The following ERCC6 variants were observed in gnomAD, a reference collection of about 807,000 sequenced individuals.
ERCC6 encodes ERCC excision repair 6, chromatin remodeling factor, also known as DNA excision repair protein ERCC-6.
ERCC6 carries 116 observed loss-of-function variants against 158.7 expected under a neutral mutation model. The ratio of observed to expected loss-of-function variants is 0.73; its 90% confidence interval spans 0.63 to 0.85. The LOEUF (loss-of-function observed/expected upper bound fraction) is 0.85, where lower values mean the gene tolerates loss of function less well. Among genes scored for constraint, ERCC6 ranks in the 40% least tolerant of loss-of-function variants. ERCC6 has a pLI of 0.00. For missense variants in ERCC6, 1,698 were observed against 1,799.4 expected, an observed-to-expected ratio of 0.94 and a Z score of 1.02; for synonymous variants, 678 against 659.3, an observed-to-expected ratio of 1.03 and a Z score of -0.43.
intron 1 of ERCC6, among the ~76,000 whole-genome samples, chr10:49,534,148 A>AC (rs1350706801): frequency 4.3e-4 from 63 of 147,672 alleles, no homozygotes; most frequent in Admixed American, 1.4e-3. Context: ...AAAAAAAAAA[A>AC]AAAAAACAAA....
rs1311435056 is a variant in ERCC6, at chr10:49,538,993, G to C, written c.-46C>G. 6.5e-6 allele frequency: 1 copy of C among 152,706 alleles called. No homozygotes were observed. Among genetic ancestry groups the C allele is most frequent in the Admixed American group, 6.5e-5 (1 of 15,298 alleles). The allele number at this position is 152,706 out of a possible 1,614,324, so 9.5% of individuals were successfully genotyped here. On this transcript the variant is annotated 5_prime_UTR_variant, in exon 1 of 21. Transcript: ENST00000355832. ...CCGCGCGAGCGCCCACAAGGAAACAGAGACGCTACCGCCGCCAGCCGCCTT... is the reference window on the plus strand; with the variant it reads ...CCGCGCGAGCGCCCACAAGGAAACACAGACGCTACCGCCGCCAGCCGCCTT...
At chr10:49,516,473 A>C (rs759831859) in intron 5 of ERCC6, 1 of 1,614,224 alleles carries the variant, frequency 6.2e-7, no homozygotes, top group Non-Finnish European at 8.5e-7. Context: ...TCATGGCAGC[A>C]CTAACCAGTA....
chr10:49,515,822 C>T (rs374284894), intron 5 of ERCC6: 40 of 1,614,052 alleles, frequency 2.5e-5, no homozygotes, highest in Non-Finnish European at 3.3e-5. Flanking sequence ...TGACAAGACA[C>T]AGGGGATGGA....
Position 49,523,941 on chromosome 10 carries a change from T to C in ERCC6, c.1397+92A>G. Reference sequence around the variant, plus strand: ...TGTATAATCGGGGGGGTCTAATATATTAAGCTGGATCTAGAATGCTTACAT... The same window carrying C: ...TGTATAATCGGGGGGGTCTAATATACTAAGCTGGATCTAGAATGCTTACAT... On this transcript the variant is annotated intron_variant, in intron 5 of 20. Coordinates refer to ENST00000355832, the MANE Select transcript of ERCC6 (RefSeq NM_000124.4). The C allele has an allele frequency of 1.9e-6, 3 of 1,566,202 alleles. No individual in the cohort carries two copies. The Admixed American group carries it at 5.1e-5, about 27-fold the overall frequency.
Position 49,483,380 on chromosome 10 carries a change from T to C in ERCC6, c.1958A>G (p.Asn653Ser). Reference sequence around the variant, plus strand: ...AGCAAGGGTGACAGCAGCATTTGGATTTCGAATTTTGTGTCCTTCGTCCAA... The same window carrying C: ...AGCAAGGGTGACAGCAGCATTTGGACTTCGAATTTTGTGTCCTTCGTCCAA... Reference protein sequence around the residue: ...VILDEGHKIRNPNAAVTLACK... With the variant: ...VILDEGHKIRSPNAAVTLACK... Residue 653 changes from asparagine (N) to serine (S), a missense_variant, in exon 9 of 21, where the codon AAT becomes AGT. By Grantham distance (46) the Asn-to-Ser change is conservative. Coordinates refer to ENST00000355832, the MANE Select transcript of ERCC6 (RefSeq NM_000124.4). The C allele has an allele frequency of 1.9e-6, 3 of 1,614,166 alleles. No individual in the cohort carries two copies. Among genetic ancestry groups the C allele is most frequent in the Non-Finnish European group, 1.7e-6 (2 of 1,180,018 alleles).
the ERCC6 span, among the ~76,000 whole-genome samples, chr10:49,442,670 T>C: frequency 6.6e-6 from 1 of 151,840 alleles, no homozygotes; most frequent in African/African-American, 2.4e-5. Context: ...CATCACACTG[T>C]GCTTGGTTGA....
chr10:49,474,544 C>T (rs948183236), intron 12 of ERCC6, among the ~76,000 whole-genome samples: 3 of 152,046 alleles, frequency 2.0e-5, no homozygotes, highest in African/African-American at 7.2e-5. Context: ...ATGCAGTTCA[C>T]GGTATTATAA....
At chr10:49,478,294 G>A (rs1850913457) in intron 11 of ERCC6, 60 bp downstream of exon 11, 1 of 1,132,958 alleles carries the variant, frequency 8.8e-7, no homozygotes. Context: ...GAGAATCAGA[G>A]TGAAGGGAAA....
rs115100965 is a variant in ERCC6, at chr10:49,472,918, C to T, written c.2820G>A (p.Thr940=). 65 of 1,613,776 alleles carry T rather than the reference C, an allele frequency of 4.0e-5. No individual in the cohort carries two copies. The Admixed American group carries it at 7.0e-4, about 17-fold the overall frequency. The part of the protein sequence containing the change: ...VIYDPDWNPS[T]DTQARERAWR... Reference sequence around the variant, plus strand: ...AAAAATAAAAACAAACCTGCGTGTCCGTGCTTGGGTTCCAGTCTGGGTCAT... The same window carrying T: ...AAAAATAAAAACAAACCTGCGTGTCTGTGCTTGGGTTCCAGTCTGGGTCAT... The change falls in exon 15 of 21, where the codon ACG becomes ACA. Residue 940 remains threonine (T), a synonymous_variant. Coordinates refer to ENST00000355832, the MANE Select transcript of ERCC6 (RefSeq NM_000124.4).
intron 8 of ERCC6, among the ~76,000 whole-genome samples, chr10:49,490,481 A>C (rs1003158614): frequency 1.3e-5 from 2 of 151,614 alleles, no homozygotes; most frequent in Non-Finnish European, 2.9e-5. Context: ...CAGCCTCCCG[A>C]GTAGCTAGGA....
At chr10:49,535,750 A>G (rs947940356) in intron 1 of ERCC6, among the ~76,000 whole-genome samples, 2 of 152,226 alleles carry the variant, frequency 1.3e-5, no homozygotes, top group African/African-American at 4.8e-5. Context: ...TTCTAATAAT[A>G]AAAAAGGAGG....
At chr10:49,446,227 TCACACACA>T in the ERCC6 span, among the ~76,000 whole-genome samples, 6 of 92,068 alleles carry the variant, frequency 6.5e-5, no homozygotes, top group African/African-American at 2.4e-4. Flanking sequence ...CACAAAAACG[TCACACACA>T]CACACACACA....
At chr10:49,441,569 G>C in the ERCC6 span, among the ~76,000 whole-genome samples, 4 of 150,352 alleles carry the variant, frequency 2.7e-5, no homozygotes, top group Admixed American at 2.0e-4. Context: ...AGTTGTGCAC[G>C]GTGTGCCATT....
chr10:49,479,030 G>A (rs1021888577), intron 10 of ERCC6, among the ~76,000 whole-genome samples: 1 of 151,698 alleles, frequency 6.6e-6, no homozygotes, highest in Admixed American at 6.6e-5. Context: ...TCCCAGAAAC[G>A]AAAGGTCACT....
At position 49,516,320 on chromosome 10, in the gene ERCC6, T is replaced by C. The variant is rs186607931; in HGVS notation, c.1397+7713A>G. Reference sequence around the variant, plus strand: ...CCATGAATTCATCAAAGCTGAAATATGTTTCATTTGGAACAAATTTCATGC... The same window carrying C: ...CCATGAATTCATCAAAGCTGAAATACGTTTCATTTGGAACAAATTTCATGC... On this transcript the variant is annotated intron_variant, in intron 5 of 20. Transcript: ENST00000355832. 45 of 1,614,174 alleles carry C rather than the reference T, an allele frequency of 2.8e-5. No individual in the cohort carries two copies. In the East Asian group the frequency reaches 1.0e-3, roughly 36 times the overall value.
chr10:49,479,959 C>G (rs1187304229), intron 10 of ERCC6, among the ~76,000 whole-genome samples: 1 of 152,228 alleles, frequency 6.6e-6, no homozygotes, highest in Non-Finnish European at 1.5e-5. Flanking sequence ...CATGCCCATG[C>G]TCCTTCCCAT....
chr10:49,527,210 G>A (rs577452362), intron 4 of ERCC6, among the ~76,000 whole-genome samples: 2 of 152,276 alleles, frequency 1.3e-5, no homozygotes, highest in East Asian at 3.9e-4. Context: ...TTAACCCTAA[G>A]AGGTAGCTAT....
chr10:49,493,845 G>C (rs1188256268), intron 7 of ERCC6, among the ~76,000 whole-genome samples: 1 of 152,154 alleles, frequency 6.6e-6, no homozygotes, highest in Non-Finnish European at 1.5e-5. Flanking sequence ...CACCCTGCCT[G>C]CTCCTCTACA....
intron 5 of ERCC6, among the ~76,000 whole-genome samples, chr10:49,518,390 A>C (rs1015327847): frequency 1.3e-5 from 2 of 152,206 alleles, no homozygotes; most frequent in African/African-American, 4.8e-5. Flanking sequence ...AAGCCCTTCC[A>C]CTGACTGCTG....
Sources: gnomAD v4.1 joint callset for allele counts (sites outside exome capture counted in the v4.1 genomes callset) on GRCh38, gnomAD v4.1.1 for gene constraint, MANE v1.5 for transcripts, NCBI Gene and HGNC (gene_info 2026-07-23, HGNC 2026-07-21) for gene names.